The following DOCK7 variants were observed in gnomAD, a reference collection of about 807,000 sequenced individuals.
DOCK7 encodes dedicator of cytokinesis 7.
Under a neutral mutation model 271.0 loss-of-function variants are expected in DOCK7, and 138 were observed. The observed-to-expected ratio is 0.51, with a 90% CI of 0.44 to 0.59. The LOEUF (loss-of-function observed/expected upper bound fraction) is 0.59. DOCK7 is among the 20% of genes least tolerant of loss of function. The pLI is 0.00. For synonymous variants in DOCK7, 823 were observed against 876.1 expected, an observed-to-expected ratio of 0.94 and a Z score of 1.07; for missense variants, 2,066 against 2,592.4, an observed-to-expected ratio of 0.80 and a Z score of 4.41.
At chr1:62,594,236 T>C (rs1309297089) in intron 14 of DOCK7, among the ~76,000 whole-genome samples, 2 of 152,096 alleles carry the variant, frequency 1.3e-5, no homozygotes, top group Admixed American at 6.6e-5. Flanking sequence ...ACAGGAAGTA[T>C]TAAAAGGCAG....
At chr1:62,617,748 T>C (rs990493704) in intron 14 of DOCK7, among the ~76,000 whole-genome samples, 1 of 152,020 alleles carries the variant, frequency 6.6e-6, no homozygotes, top group Non-Finnish European at 1.5e-5. Context: ...AATGTAGCAA[T>C]TATAAAATTT....
At chr1:62,609,743 A>G (rs913847090) in intron 14 of DOCK7, among the ~76,000 whole-genome samples, 11 of 152,152 alleles carry the variant, frequency 7.2e-5, no homozygotes, top group Admixed American at 2.0e-4. Context: ...TCACAATCTA[A>G]GATAACACTC....
chr1:62,544,896 C>A, intron 23 of DOCK7, 51 bp downstream of exon 23: 2 of 1,400,292 alleles, frequency 1.4e-6, no homozygotes, highest in Non-Finnish European at 2.0e-6. Context: ...AAGTAATGTT[C>A]TAAAGGGAAA....
intron 31 of DOCK7, among the ~76,000 whole-genome samples, chr1:62,519,852 T>A (rs1471408527): frequency 6.6e-6 from 1 of 152,084 alleles, no homozygotes. Context: ...GACTTCAAAC[T>A]ATACTACAAG....
Position 62,546,821 on chromosome 1 carries a change from T to C in DOCK7, c.2767-1782A>G, listed in dbSNP as rs548790750. Among the ~76,000 whole-genome samples the C allele has an allele frequency of 1.8e-4, 27 of 152,242 alleles. 1 individual carries two copies. The East Asian group carries it at 5.0e-3, about 28-fold the overall frequency. On this transcript the variant is annotated intron_variant, in intron 22 of 49. Coordinates refer to ENST00000635253, the MANE Select transcript of DOCK7 (RefSeq NM_001367561.1). ...AAAGCAAACCAAAAGGCTTATGTTT[T>C]TCATAGAAGTTAAAATAAAGTTCTC...
At chr1:62,504,438 C>T (rs1011514095) in intron 37 of DOCK7, among the ~76,000 whole-genome samples, 192 bp downstream of exon 37, 4 of 152,082 alleles carry the variant, frequency 2.6e-5, no homozygotes, top group African/African-American at 9.7e-5. Flanking sequence ...TACATACGTA[C>T]ACATGATATG....
intron 4 of DOCK7, among the ~76,000 whole-genome samples, chr1:62,653,049 C>T (rs934910805): frequency 3.6e-4 from 55 of 152,158 alleles, no homozygotes; most frequent in African/African-American, 1.2e-3. Flanking sequence ...ACTATAATGC[C>T]GTATCAGAAT....
intron 34 of DOCK7, among the ~76,000 whole-genome samples, chr1:62,508,525 AAT>A (rs936476271): frequency 1.8e-4 from 27 of 152,108 alleles, no homozygotes; most frequent in African/African-American, 6.5e-4. Context: ...TTTTTATATA[AAT>A]ATGCTCAGAT....
intron 28 of DOCK7, 44 bp downstream of exon 28, chr1:62,537,847 C>T: frequency 6.4e-7 from 1 of 1,553,782 alleles, no homozygotes; most frequent in African/African-American, 1.4e-5. Flanking sequence ...CTATTCTTCA[C>T]AAAAGTGACT....
rs1306371615 is a variant in DOCK7 at position 62,542,783 on chromosome 1, C to T, written c.2950-80G>A. On this transcript the variant is annotated intron_variant, in intron 24 of 49. Coordinates refer to ENST00000635253, the MANE Select transcript of DOCK7 (RefSeq NM_001367561.1). ...AACCAAATCATAATGCAAATACAAACGAAGATATAATGAGAATAAGCAAAA... is the reference window on the plus strand; with the variant it reads ...AACCAAATCATAATGCAAATACAAATGAAGATATAATGAGAATAAGCAAAA... 28 of 1,350,886 alleles carry T rather than the reference C, an allele frequency of 2.1e-5. 1 individual carries two copies. The Middle Eastern group carries it at 1.1e-3, about 53-fold the overall frequency. 83.7% of individuals were successfully genotyped at this position (1,350,886 alleles called of 1,614,324 possible).
chr1:62,653,815 A>G (rs1477099400), intron 3 of DOCK7, 22 bp from the exon 4 acceptor site: 1 of 1,542,568 alleles, frequency 6.5e-7, no homozygotes, highest in African/African-American at 1.4e-5. Context: ...AGGAAAATAC[A>G]TTTGTAATTT....
At chr1:62,548,887 C>CAT (rs1645800381) in intron 22 of DOCK7, among the ~76,000 whole-genome samples, 1 of 152,172 alleles carries the variant, frequency 6.6e-6, no homozygotes, top group African/African-American at 2.4e-5. Context: ...CTCTACCTTT[C>CAT]ATATATATCC....
At chr1:62,637,552 A>T (rs1460426349) in intron 7 of DOCK7, among the ~76,000 whole-genome samples, 2 of 152,206 alleles carry the variant, frequency 1.3e-5, no homozygotes, top group Admixed American at 1.3e-4. Context: ...CCTGACAACA[A>T]AGAACCATCT....
chr1:62,604,495 A>G, intron 14 of DOCK7: 1 of 989,530 alleles, frequency 1.0e-6, no homozygotes, highest in Non-Finnish European at 1.5e-6. Flanking sequence ...GGACTTATAC[A>G]GATTATTTAA....
chr1:62,482,795 A>G (rs139775240), intron 43 of DOCK7: 1 of 152,122 alleles, frequency 6.6e-6, no homozygotes, highest in African/African-American at 2.4e-5. Flanking sequence ...TTTCCTCTAT[A>G]TTTCATCCTC....
At chr1:62,606,814 T>C (rs1019198493) in intron 14 of DOCK7, among the ~76,000 whole-genome samples, 1 of 152,142 alleles carries the variant, frequency 6.6e-6, no homozygotes, top group Non-Finnish European at 1.5e-5. Flanking sequence ...AGTTCCAAAA[T>C]CTACATATTC....
At chr1:62,681,866 C>T (rs533606023) in intron 1 of DOCK7, among the ~76,000 whole-genome samples, 3 of 152,092 alleles carry the variant, frequency 2.0e-5, no homozygotes, top group Admixed American at 6.5e-5. Context: ...AGCATACACA[C>T]AATACGATTC....
chr1:62,488,370 TTAAG>T (rs1224112892), intron 42 of DOCK7: 8 of 153,266 alleles, frequency 5.2e-5, no homozygotes, highest in Admixed American at 3.3e-4. Context: ...ACTACAAAGA[TTAAG>T]TAATGAAATA....
chr1:62,674,190 CATTCA>C (rs1660306349), intron 1 of DOCK7, among the ~76,000 whole-genome samples: 1 of 151,974 alleles, frequency 6.6e-6, no homozygotes, highest in Admixed American at 6.6e-5. Flanking sequence ...TTTTTAATTC[CATTCA>C]AAAGATCAAA....
Sources: allele counts gnomAD v4.1 joint callset (sites outside exome capture counted in the v4.1 genomes callset), GRCh38; gene constraint gnomAD v4.1.1; transcripts MANE v1.5; gene names NCBI Gene and HGNC (gene_info 2026-07-23, HGNC 2026-07-21).